Variants in MAP3K13 observed in about 807,000 individuals in gnomAD.
The protein encoded by MAP3K13 is leucine zipper-bearing kinase.
In MAP3K13, 52 loss-of-function variants were observed where a neutral mutation model predicts 104.0. The observed-to-expected ratio is 0.50, with a 90% CI of 0.40 to 0.63. MAP3K13 has a LOEUF of 0.63. Among genes scored for constraint, MAP3K13 ranks in the 20% least tolerant of loss-of-function variants. The probability of loss-of-function intolerance (pLI) is 0.00; values close to 1 mark genes in which losing one functional copy is unlikely to be tolerated. For synonymous variants in MAP3K13, 394 were observed against 442.2 expected (o/e 0.89, Z 1.37); for missense variants, 914 against 1,218.5 (o/e 0.75, Z 3.72).
intron 1 of MAP3K13, among the ~76,000 whole-genome samples, chr3:185,385,131 G>A (rs1476022489): frequency 6.6e-6 from 1 of 152,068 alleles, no homozygotes; most frequent in Non-Finnish European, 1.5e-5. Flanking sequence ...CCCAGGACTG[G>A]TGGCTTTACT....
chr3:185,431,120 T>G (rs1170937212), intron 2 of MAP3K13, among the ~76,000 whole-genome samples: 1 of 152,026 alleles, frequency 6.6e-6, no homozygotes, highest in Non-Finnish European at 1.5e-5. Flanking sequence ...AAGGGGGAGA[T>G]CCGCCCCATG....
In MAP3K13 at chr3:185,488,794, C is replaced by T. The variant is rs747264081; in HGVS notation, c.*6338C>T. The T allele has an allele frequency of 6.6e-6, 1 of 152,264 alleles. No individual in the cohort carries two copies. Among genetic ancestry groups the T allele is most frequent in the Non-Finnish European group, 1.5e-5 (1 of 68,066 alleles). 9.4% of individuals were successfully genotyped at this position (152,264 alleles called of 1,614,324 possible). A position where few individuals can be genotyped will look rare whatever the true frequency, so the allele number is the denominator to read the frequency against. ...ATGTCCCATCTTGCCCATATCACCC[C>T]AGTGGCTCTTCACCTTCAGAGTGAC... On this transcript the variant is annotated 3_prime_UTR_variant, in exon 14 of 14. Transcript: ENST00000265026.
intron 1 of MAP3K13, among the ~76,000 whole-genome samples, chr3:185,399,342 C>T (rs1211156802): frequency 6.6e-6 from 1 of 151,892 alleles, no homozygotes; most frequent in East Asian, 1.9e-4. Context: ...CGGTGGCTCA[C>T]GCCTGTAATC....
At chr3:185,338,267 T>C (rs923699110) in intron 2 of MAP3K13, among the ~76,000 whole-genome samples, 1 of 149,656 alleles carries the variant, frequency 6.7e-6, no homozygotes, top group Non-Finnish European at 1.5e-5. Flanking sequence ...GAGGCAGAGG[T>C]TGCAGTGAAC....
intron 1 of MAP3K13, among the ~76,000 whole-genome samples, chr3:185,421,222 C>T (rs930169417): frequency 2.0e-5 from 3 of 151,660 alleles, no homozygotes; most frequent in African/African-American, 7.3e-5. Flanking sequence ...GAGGCGGAGT[C>T]TCCCTCTATT....
chr3:185,347,611 A>T (rs532121856), intron 2 of MAP3K13, among the ~76,000 whole-genome samples: 5 of 152,340 alleles, frequency 3.3e-5, no homozygotes, highest in Admixed American at 2.6e-4. Flanking sequence ...GCAGCAGCAG[A>T]AAGCATTCTT....
At chr3:185,373,064 G>T (rs1433806338) in intron 1 of MAP3K13, among the ~76,000 whole-genome samples, 1 of 152,150 alleles carries the variant, frequency 6.6e-6, no homozygotes, top group East Asian at 1.9e-4. Flanking sequence ...CTGTGTGCTG[G>T]ACTTGAAGTT....
chr3:185,362,807 C>A (rs1441887475), upstream of MAP3K13, among the ~76,000 whole-genome samples: 1 of 152,118 alleles, frequency 6.6e-6, no homozygotes, highest in African/African-American at 2.4e-5. Flanking sequence ...GAAAAGAGTT[C>A]TAATGAATAA....
chr3:185,363,290 C>G lies in MAP3K13; in HGVS notation c.-164C>G. The stretch of plus-strand genomic sequence containing the variant: ...CCCCCTCCCCTTTATTTTTCCAATT[C>G]TGCAAGGCTTTTAAAATTCACCTTA... On this transcript the variant is annotated 5_prime_UTR_variant, in exon 1 of 14. Transcript: ENST00000265026. The G allele has an allele frequency of 1.0e-6, 1 of 985,374 alleles. No individual in the cohort carries two copies. The highest frequency in any genetic ancestry group is 1.2e-6 in the Non-Finnish European group (1 of 829,906). The allele number at this position is 985,374 out of a possible 1,614,324, so 61.0% of individuals were successfully genotyped here. A position where few individuals can be genotyped will look rare whatever the true frequency, so the allele number is the denominator to read the frequency against.
intron 1 of MAP3K13, among the ~76,000 whole-genome samples, chr3:185,375,777 G>A (rs1322421674): frequency 6.6e-6 from 1 of 152,136 alleles, no homozygotes; most frequent in Non-Finnish European, 1.5e-5. Context: ...GGAAGTAAAG[G>A]GGCCTTGAGA....
At chr3:185,478,749 G>A (rs1457906107) in intron 12 of MAP3K13, among the ~76,000 whole-genome samples, 1 of 151,910 alleles carries the variant, frequency 6.6e-6, no homozygotes, top group Non-Finnish European at 1.5e-5. Flanking sequence ...GGGCATGCCT[G>A]TAGTCCCAGC....
At position 185,354,781 on chromosome 3, in the gene MAP3K13, A is replaced by G. The variant is rs534604278; in HGVS notation, c.-86+69138A>G. ...AACATCTACACCATTTTGTATTGTT[A>G]CTCATCTCACCAAAGCTCCTTGATA... On this transcript the variant is annotated intron_variant, in intron 2 of 14. Transcript: ENST00000424227. 3.7e-4 allele frequency among the ~76,000 whole-genome samples: 57 copies of G among 152,220 alleles called. 2 individuals are homozygous for G. The South Asian group carries it at 0.012, about 31-fold the overall frequency.
chr3:185,336,983 A>G (rs928974506), intron 2 of MAP3K13, among the ~76,000 whole-genome samples: 2 of 152,186 alleles, frequency 1.3e-5, no homozygotes, highest in Admixed American at 1.3e-4. Context: ...CCTTCCTCAC[A>G]GAACAACAAA....
chr3:185,318,689 C>T (rs986456231), intron 2 of MAP3K13, among the ~76,000 whole-genome samples: 4 of 152,142 alleles, frequency 2.6e-5, no homozygotes, highest in African/African-American at 9.7e-5. Flanking sequence ...ATAATTTATG[C>T]TTTCAGTCCC....
intron 8 of MAP3K13, among the ~76,000 whole-genome samples, chr3:185,464,344 CTG>C (rs963237462): frequency 8.5e-5 from 13 of 152,168 alleles, no homozygotes; most frequent in African/African-American, 3.1e-4. Context: ...TGGTTTGGCT[CTG>C]TGTCTCCACC....
intron 2 of MAP3K13, among the ~76,000 whole-genome samples, chr3:185,308,888 A>C (rs1252677183): frequency 6.6e-6 from 1 of 151,944 alleles, no homozygotes; most frequent in East Asian, 1.9e-4. Context: ...CTTGGCTTTG[A>C]GCTTGCCTGG....
chr3:185,342,895 TG>T (rs1239532629), intron 2 of MAP3K13, among the ~76,000 whole-genome samples: 4 of 152,230 alleles, frequency 2.6e-5, no homozygotes, highest in Non-Finnish European at 5.9e-5. Flanking sequence ...GATGCTTAAC[TG>T]GGGAACTCAT....
intron 7 of MAP3K13, among the ~76,000 whole-genome samples, chr3:185,454,714 G>GAT (rs1716247969): frequency 1.9e-4 from 4 of 20,770 alleles, no homozygotes; most frequent in Non-Finnish European, 6.9e-4. Flanking sequence ...TATCATATAT[G>GAT]AGATATATAT....
In MAP3K13 at chr3:185,297,321, T is replaced by C. The variant is rs530875786; in HGVS notation, c.-86+11678T>C. Among the ~76,000 whole-genome samples, 103 of 152,308 alleles carry C rather than the reference T, an allele frequency of 6.8e-4. No homozygotes were observed. In the Middle Eastern group the frequency reaches 0.01, roughly 15 times the overall value. ...CTAGTAATTGGATATTTTTGAAAGC[T>C]GTGAAAAATACCAACCAGCACATCA... On this transcript the variant is annotated intron_variant, in intron 2 of 14. Transcript: ENST00000424227.
Sources: gnomAD v4.1 joint callset for allele counts (sites outside exome capture counted in the v4.1 genomes callset) on GRCh38, gnomAD v4.1.1 for gene constraint, MANE v1.5 for transcripts, NCBI Gene and HGNC (gene_info 2026-07-23, HGNC 2026-07-21) for gene names.